PKM: variants seen among roughly 807,000 people sequenced by gnomAD.
PKM encodes the protein pyruvate kinase PKM.
Under a neutral mutation model 49.8 loss-of-function variants are expected in PKM, and 18 were observed. The observed-to-expected ratio is 0.36, with a 90% CI of 0.25 to 0.54. The LOEUF is 0.54. Among genes scored for constraint, PKM ranks in the 20% least tolerant of loss-of-function variants. The pLI is 0.89. For synonymous variants in PKM, 239 were observed against 261.8 expected (o/e 0.91, Z 0.84); for missense variants, 508 against 713.8 (o/e 0.71, Z 3.28).
intron 1 of PKM, among the ~76,000 whole-genome samples, chr15:72,227,744 C>CAAAAAAAAA (rs34876633): frequency 4.6e-4 from 5 of 10,794 alleles, no homozygotes; most frequent in African/African-American, 1.2e-3. Flanking sequence ...AAAACTATCT[C>CAAAAAAAAA]AAAAAAAAAA....
At position 72,202,321 on chromosome 15, in the gene PKM, C is replaced by A. The variant is rs2081964692; in HGVS notation, c.1307+133G>T. 1.6e-5 allele frequency: 14 copies of A among 898,808 alleles called. No individual in the cohort carries two copies. The South Asian group carries it at 1.9e-4, about 12-fold the overall frequency. The allele number at this position is 898,808 out of a possible 1,614,324, so 55.7% of individuals were successfully genotyped here. A position where few individuals can be genotyped will look rare whatever the true frequency, so the allele number is the denominator to read the frequency against. ...GCTCTGCTCAATCCTTCCCTGCAGGCCCAAGGTGGCAGGCAGAGGGGTCTT... is the reference window on the plus strand; with the variant it reads ...GCTCTGCTCAATCCTTCCCTGCAGGACCAAGGTGGCAGGCAGAGGGGTCTT... On this transcript the variant is annotated intron_variant, in intron 9 of 10. Transcript: ENST00000335181. This position sits in a 1 kb window ranked among gnomAD's most constrained non-coding sequence, Gnocchi z 4.5.
chr15:72,208,914 G>T, intron 5 of PKM, 23 bp from the exon 6 acceptor site: 1 of 1,609,774 alleles, frequency 6.2e-7, no homozygotes, highest in African/African-American at 1.3e-5. Flanking sequence ...GGGTAAGTAG[G>T]GGAGGCAGAG....
At position 72,224,727 on chromosome 15, in the gene PKM, C is replaced by T. The variant is rs529535166; in HGVS notation, c.-13-5617G>A. Among the ~76,000 whole-genome samples the T allele has an allele frequency of 3.9e-4, 60 of 151,996 alleles. No individual in the cohort carries two copies. In the Middle Eastern group the frequency reaches 0.017, roughly 43 times the overall value. ...AACATACAAAAATTAGCCAGGCGCGCACCTGTAATCCCAGCTACTTGGGTG... is the reference window on the plus strand; with the variant it reads ...AACATACAAAAATTAGCCAGGCGCGTACCTGTAATCCCAGCTACTTGGGTG... On this transcript the variant is annotated intron_variant, in intron 1 of 10. Transcript: ENST00000335181.
intron 8 of PKM, chr15:72,206,293 G>GC (rs918837361): frequency 1.0e-5 from 2 of 197,156 alleles, no homozygotes; most frequent in African/African-American, 4.7e-5. Flanking sequence ...TGAATTGGAA[G>GC]CCAAAGGAAG....
At chr15:72,224,889 A>T (rs2082621714) in intron 1 of PKM, among the ~76,000 whole-genome samples, 1 of 149,540 alleles carries the variant, frequency 6.7e-6, no homozygotes. Context: ...ACACAAATAA[A>T]GGCTGAGCTG....
chr15:72,211,320 G>A (rs1009587166), intron 3 of PKM, among the ~76,000 whole-genome samples: 1 of 152,036 alleles, frequency 6.6e-6, no homozygotes, highest in African/African-American at 2.4e-5. Context: ...GCCCACCTCG[G>A]CCTCCCAAAG....
chr15:72,206,047 G>C (rs1440994236), intron 8 of PKM, among the ~76,000 whole-genome samples: 1 of 151,988 alleles, frequency 6.6e-6, no homozygotes, highest in Non-Finnish European at 1.5e-5. Flanking sequence ...GGGCCGCCAG[G>C]GTCAGCCACC....
Position 72,202,936 on chromosome 15 carries a change from C to T in PKM, c.1141-316G>A. 1 of 1,368,860 alleles carries T rather than the reference C, an allele frequency of 7.3e-7. No homozygotes were observed. Among genetic ancestry groups the T allele is most frequent in the Non-Finnish European group, 1.0e-6 (1 of 965,144 alleles). 84.8% of individuals were successfully genotyped at this position (1,368,860 alleles called of 1,614,324 possible). On this transcript the variant is annotated intron_variant, in intron 8 of 10. Transcript: ENST00000335181. The surrounding 1 kb of genome is among the most constrained non-coding windows in gnomAD (Gnocchi z 4.5). ...GAGAAGAGGCTCTGTGCCCAGATGC[C>T]AGGTTGGGCCTGGCTGTCTTCTCCT...
At chr15:72,221,980 A>G (rs560738860) in intron 1 of PKM, among the ~76,000 whole-genome samples, 3 of 151,782 alleles carry the variant, frequency 2.0e-5, no homozygotes, top group Non-Finnish European at 4.4e-5. Context: ...CCTGTTAGTT[A>G]CATGCCCAAA....
At chr15:72,209,546 G>A in intron 5 of PKM, 127 bp downstream of exon 5, 2 of 797,484 alleles carry the variant, frequency 2.5e-6, no homozygotes, top group South Asian at 1.4e-5. Context: ...AGTTATAAAA[G>A]GGATTCCTGA....
chr15:72,209,580 G>T, intron 5 of PKM, 93 bp downstream of exon 5: 1 of 1,082,126 alleles, frequency 9.2e-7, no homozygotes. Flanking sequence ...CAATCTCACT[G>T]CCAGGCAACC....
intron 1 of PKM, among the ~76,000 whole-genome samples, chr15:72,223,752 T>C (rs540948311): frequency 3.4e-4 from 52 of 152,234 alleles, no homozygotes; most frequent in Admixed American, 1.8e-3. Flanking sequence ...TGTATTTGCA[T>C]ATGGGTGCAG....
intron 1 of PKM, among the ~76,000 whole-genome samples, chr15:72,230,268 AC>A (rs927404998): frequency 1.3e-5 from 2 of 152,134 alleles, no homozygotes; most frequent in African/African-American, 4.8e-5. Context: ...GGGCAGGCCA[AC>A]GTTACGTAAG....
intron 1 of PKM, chr15:72,228,585 G>A (rs1164321376): frequency 1.6e-6 from 2 of 1,234,622 alleles, no homozygotes; most frequent in Non-Finnish European, 2.1e-6. Context: ...ACCCAGCGAA[G>A]ATAATTCTCT....
At chr15:72,203,069 A>C (rs766931773) in intron 8 of PKM, 3 of 1,614,198 alleles carry the variant, frequency 1.9e-6, no homozygotes, top group Non-Finnish European at 2.5e-6. Context: ...AACACTTATA[A>C]GAAGCCTCCA....
intron 1 of PKM, chr15:72,222,580 G>A (rs1429869171): frequency 6.6e-6 from 1 of 152,384 alleles, no homozygotes; most frequent in Non-Finnish European, 1.5e-5. Flanking sequence ...GTGCCTGCCA[G>A]GACATGTGGC....
intron 8 of PKM, among the ~76,000 whole-genome samples, chr15:72,205,338 T>C (rs573936140): frequency 5.3e-5 from 8 of 152,268 alleles, no homozygotes. Context: ...TTGCCCAGGC[T>C]GGTCTTCTGA....
chr15:72,208,959 T>G, intron 5 of PKM, 68 bp from the exon 6 acceptor site: 2 of 1,522,070 alleles, frequency 1.3e-6, no homozygotes, highest in Non-Finnish European at 1.8e-6. Context: ...GCAGGCACCT[T>G]TCCCGCAAGG....
intron 5 of PKM, chr15:72,209,379 C>G (rs1047731200): frequency 3.2e-5 from 4 of 123,352 alleles, no homozygotes; most frequent in Non-Finnish European, 6.6e-5. Context: ...GAAAACAAAA[C>G]AAAACACAGC....
Sources: gnomAD v4.1 joint callset for allele counts (sites outside exome capture counted in the v4.1 genomes callset) on GRCh38, gnomAD v4.1.1 for gene constraint, Gnocchi (gnomAD v3.1) non-coding constraint, MANE v1.5 for transcripts, NCBI Gene and HGNC (gene_info 2026-07-23, HGNC 2026-07-21) for gene names.